SPAG16: variants seen among roughly 807,000 people sequenced by gnomAD.
The protein encoded by SPAG16 is sperm-associated antigen 16 protein.
SPAG16 carries 86 observed loss-of-function variants against 80.4 expected under a neutral mutation model. The observed-to-expected ratio is 1.07, with a 90% CI of 0.90 to 1.28. The LOEUF is 1.28. SPAG16 is among the 50% of genes most tolerant of loss of function. The pLI is 0.00. For synonymous variants in SPAG16, 294 were observed against 265.9 expected (o/e 1.11, Z -1.03); for missense variants, 870 against 765.3 (o/e 1.14, Z -1.61).
At chr2:213,803,804 C>G (rs977395491) in intron 10 of SPAG16, among the ~76,000 whole-genome samples, 2 of 152,150 alleles carry the variant, frequency 1.3e-5, no homozygotes, top group African/African-American at 4.8e-5. Flanking sequence ...GTGGTGCCAT[C>G]CTAGCTCACT....
chr2:214,014,131 G>A (rs1476217112), intron 13 of SPAG16, 54 bp downstream of exon 13: 32 of 1,596,890 alleles, frequency 2.0e-5, no homozygotes, highest in Admixed American at 1.3e-4. Flanking sequence ...GATTACTCTC[G>A]GTCATTCTTT....
chr2:214,366,848 GA>G (rs139926715), intron 15 of SPAG16, among the ~76,000 whole-genome samples: 14 of 149,826 alleles, frequency 9.3e-5, no homozygotes, highest in Middle Eastern at 7.0e-3. Context: ...TGATATAGTT[GA>G]AAAAAAAACA....
At chr2:214,016,685 G>A (rs2047608395) in intron 13 of SPAG16, among the ~76,000 whole-genome samples, 1 of 152,122 alleles carries the variant, frequency 6.6e-6, no homozygotes, top group African/African-American at 2.4e-5. Flanking sequence ...GTAGGAAAGA[G>A]AAAAGATAAC....
At chr2:213,292,052 G>C (rs897456228) in intron 1 of SPAG16, among the ~76,000 whole-genome samples, 1 of 152,126 alleles carries the variant, frequency 6.6e-6, no homozygotes, top group Admixed American at 6.5e-5. Context: ...AGTGTTGATT[G>C]ATATTTTCTA....
At position 214,033,781 on chromosome 2, in the gene SPAG16, C is replaced by T. The variant is rs181962849; in HGVS notation, c.1527+19704C>T. ...AATTGTAGGCATGATACCCCTTCAC[C>T]TCTAAATACACCTCCAAATATACCA... On this transcript the variant is annotated intron_variant, in intron 13 of 15. Coordinates refer to ENST00000331683, the MANE Select transcript of SPAG16 (RefSeq NM_024532.5). Among the ~76,000 whole-genome samples, 1,019 of 152,188 alleles carry T rather than the reference C, an allele frequency of 6.7e-3. 17 individuals are homozygous for T. Among genetic ancestry groups the T allele is most frequent in the African/African-American group, 0.023 (956 of 41,518 alleles).
chr2:214,066,275 A>G (rs537131599), intron 13 of SPAG16, among the ~76,000 whole-genome samples: 96 of 152,118 alleles, frequency 6.3e-4, no homozygotes, highest in Non-Finnish European at 1.0e-3. Context: ...ATAAAGACCA[A>G]CTCTGGCTGC....
chr2:214,108,477 A>C (rs1014484175), intron 14 of SPAG16, among the ~76,000 whole-genome samples: 84 of 64,518 alleles, frequency 1.3e-3, no homozygotes, highest in East Asian at 4.1e-3. Context: ...ACACACACAC[A>C]CACCCCCACA....
rs143931930 is a variant in SPAG16 at position 213,948,873 on chromosome 2, C to T, written c.1400+18728C>T. 8.1e-3 allele frequency among the ~76,000 whole-genome samples: 1,241 copies of T among 152,282 alleles called. 64 individuals carry two copies. Among genetic ancestry groups the T allele is most frequent in the Admixed American group, 0.075 (1,144 of 15,298 alleles). ...GATTGCAAACAGTTAAATTACTTCT[C>T]TAATACTCTTCTCTTTTTTAAAAGG... is the stretch of plus-strand genomic sequence containing the variant. On this transcript the variant is annotated intron_variant, in intron 12 of 15. Transcript: ENST00000331683.
intron 15 of SPAG16, among the ~76,000 whole-genome samples, chr2:214,203,577 G>T (rs1158565529): frequency 6.6e-6 from 1 of 152,110 alleles, no homozygotes; most frequent in Non-Finnish European, 1.5e-5. Context: ...CCAGATCAGG[G>T]GATAAGGATT....
At chr2:214,081,341 T>A (rs56325852) in intron 13 of SPAG16, among the ~76,000 whole-genome samples, 2,648 of 152,260 alleles carry the variant, frequency 0.017, 40 homozygotes, top group South Asian at 0.033. Flanking sequence ...CAATTACTTA[T>A]CTCTGTTTTC....
At chr2:213,705,130 C>A (rs1252465553) in intron 10 of SPAG16, among the ~76,000 whole-genome samples, 1 of 151,952 alleles carries the variant, frequency 6.6e-6, no homozygotes, top group Non-Finnish European at 1.5e-5. Flanking sequence ...TGCCTATAGT[C>A]GCAGCTACTA....
At chr2:213,884,108 G>A (rs76905035) in intron 11 of SPAG16, among the ~76,000 whole-genome samples, 1 of 152,076 alleles carries the variant, frequency 6.6e-6, no homozygotes, top group Non-Finnish European at 1.5e-5. Flanking sequence ...GTGCCTATGG[G>A]CTATGTGCCT....
intron 8 of SPAG16, 170 bp downstream of exon 8, chr2:213,364,315 A>T (rs1033036717): frequency 1.2e-5 from 4 of 337,862 alleles, no homozygotes; most frequent in Non-Finnish European, 2.2e-5. Flanking sequence ...TACTGTATGG[A>T]TTAATTATAG....
At chr2:214,149,673 A>T (rs1274248214) in intron 15 of SPAG16, among the ~76,000 whole-genome samples, 2 of 152,112 alleles carry the variant, frequency 1.3e-5, no homozygotes, top group East Asian at 1.9e-4. Flanking sequence ...TAATAATTTA[A>T]TGTTAAAAAT....
intron 15 of SPAG16, among the ~76,000 whole-genome samples, chr2:214,364,849 G>A (rs1231552170): frequency 6.6e-6 from 1 of 152,002 alleles, no homozygotes; most frequent in Non-Finnish European, 1.5e-5. Flanking sequence ...TTTGGGCAGA[G>A]GTGAACTATA....
At chr2:213,877,582 T>G (rs780152862) in intron 11 of SPAG16, among the ~76,000 whole-genome samples, 3 of 152,220 alleles carry the variant, frequency 2.0e-5, no homozygotes, top group Non-Finnish European at 4.4e-5. Flanking sequence ...CCCAAAATTC[T>G]GGGATTATAG....
intron 14 of SPAG16, among the ~76,000 whole-genome samples, chr2:214,136,552 A>G (rs953087616): frequency 9.2e-5 from 14 of 152,152 alleles, no homozygotes; most frequent in Non-Finnish European, 1.8e-4. Context: ...ATGATTGGTG[A>G]TATGGTAGTT....
intron 15 of SPAG16, among the ~76,000 whole-genome samples, chr2:214,294,556 T>C (rs1253660672): frequency 6.6e-6 from 1 of 152,210 alleles, no homozygotes; most frequent in Non-Finnish European, 1.5e-5. Context: ...ATGCCAACTG[T>C]ACTTATTAAA....
intron 10 of SPAG16, among the ~76,000 whole-genome samples, chr2:213,558,648 C>G (rs931166728): frequency 4.6e-5 from 7 of 152,032 alleles, no homozygotes; most frequent in African/African-American, 1.7e-4. Flanking sequence ...AGAATATTCA[C>G]TATACAAGAT....
Sources: gnomAD v4.1 joint callset for allele counts (sites outside exome capture counted in the v4.1 genomes callset) on GRCh38, gnomAD v4.1.1 for gene constraint, MANE v1.5 for transcripts, NCBI Gene and HGNC (gene_info 2026-07-23, HGNC 2026-07-21) for gene names.